The following LAMB1 variants were observed in gnomAD, a reference collection of about 807,000 sequenced individuals.
LAMB1 encodes laminin subunit beta-1.
A neutral mutation model predicts 222.3 loss-of-function variants in LAMB1; 121 were observed. The observed-to-expected ratio is 0.54, with a 90% CI of 0.47 to 0.63. LAMB1 has a LOEUF of 0.63. LAMB1 is among the 30% of genes least tolerant of loss of function. The pLI, the probability that LAMB1 is intolerant of heterozygous loss-of-function variation, is 0.00. For missense variants in LAMB1, 2,172 were observed against 2,240.8 expected, an observed-to-expected ratio of 0.97 and a Z score of 0.62; for synonymous variants, 794 against 807.2, an observed-to-expected ratio of 0.98 and a Z score of 0.28.
intron 4 of LAMB1, among the ~76,000 whole-genome samples, chr7:107,996,246 C>G (rs926760838): frequency 1.8e-4 from 27 of 152,158 alleles, no homozygotes; most frequent in African/African-American, 6.5e-4. Flanking sequence ...AATGTGTGCA[C>G]CAAAAGCACA....
intron 24 of LAMB1, among the ~76,000 whole-genome samples, chr7:107,950,662 T>C (rs1201620342): frequency 6.6e-6 from 1 of 152,206 alleles, no homozygotes; most frequent in Non-Finnish European, 1.5e-5. Flanking sequence ...GAAGTCTCCA[T>C]GACATTGCCC....
intron 13 of LAMB1, among the ~76,000 whole-genome samples, chr7:107,967,444 TTTCA>T (rs145267557): frequency 0.022 from 3,306 of 152,302 alleles, 52 homozygotes; most frequent in South Asian, 0.044. Context: ...ACAGTGCTGC[TTTCA>T]TTGTTTCACG....
chr7:107,939,811 G>A (rs1302775553), intron 25 of LAMB1, among the ~76,000 whole-genome samples, 178 bp downstream of exon 25: 3 of 152,120 alleles, frequency 2.0e-5, no homozygotes, highest in Admixed American at 6.5e-5. Flanking sequence ...ATGTGCCAAC[G>A]TTCACTCACC....
chr7:108,002,481 CTGGGCAA>C, intron 2 of LAMB1: 1 of 1,228,356 alleles, frequency 8.1e-7, no homozygotes, highest in Non-Finnish European at 1.1e-6. Context: ...AGGCACTCTC[CTGGGCAA>C]TGGATTTTTG....
At chr7:107,994,322 C>G (rs1391398769) in intron 5 of LAMB1, among the ~76,000 whole-genome samples, 1 of 152,164 alleles carries the variant, frequency 6.6e-6, no homozygotes, top group Non-Finnish European at 1.5e-5. Flanking sequence ...TTACACATTT[C>G]TTAAGGAACT....
At position 107,926,117 on chromosome 7, in the gene LAMB1, G is replaced by A. The variant is rs1584479933; in HGVS notation, c.5064+66C>T. 8.8e-6 allele frequency: 11 copies of A among 1,255,410 alleles called. No individual in the cohort carries two copies. In the East Asian group the frequency reaches 2.3e-4, roughly 27 times the overall value. The allele number at this position is 1,255,410 out of a possible 1,614,324, so 77.8% of individuals were successfully genotyped here. A position where few individuals can be genotyped will look rare whatever the true frequency, so the allele number is the denominator to read the frequency against. The stretch of plus-strand genomic sequence containing the variant: ...TTAGGTCCATGTCCCTTACTCTAAG[G>A]CAGGCAAGGAGGAGACTGGTGGCTC... On this transcript the variant is annotated intron_variant, in intron 32 of 33. Transcript: ENST00000222399.
intron 30 of LAMB1, 36 bp from the exon 31 acceptor site, chr7:107,929,241 G>A: frequency 1.2e-6 from 2 of 1,608,974 alleles, no homozygotes; most frequent in Non-Finnish European, 8.5e-7. Context: ...TATTGTTGCT[G>A]AACATGAAAA....
intron 5 of LAMB1, among the ~76,000 whole-genome samples, chr7:107,990,027 GT>G (rs1554412851): frequency 5.5e-5 from 3 of 54,796 alleles, no homozygotes; most frequent in South Asian, 6.1e-4. Flanking sequence ...AGTTTTTTGT[GT>G]TTTTTTTTGT....
rs181387347 is a variant in LAMB1 at position 107,946,530 on chromosome 7, A to G, written c.3391+4696T>C. 2.0e-3 allele frequency among the ~76,000 whole-genome samples: 312 copies of G among 152,386 alleles called. 3 individuals carry two copies. Among genetic ancestry groups the G allele is most frequent in the Non-Finnish European group, 3.6e-3 (243 of 68,042 alleles). On this transcript the variant is annotated intron_variant, in intron 24 of 33. Coordinates refer to ENST00000222399, the MANE Select transcript of LAMB1 (RefSeq NM_002291.3). The stretch of plus-strand genomic sequence containing the variant: ...ACAAGTAGCCAGGGAAAATACATGA[A>G]CAAGTGGGTGTAAAACTTATATTAG...
At chr7:107,989,001 C>T (rs1246681130) in intron 5 of LAMB1, among the ~76,000 whole-genome samples, 2 of 152,214 alleles carry the variant, frequency 1.3e-5, no homozygotes, top group East Asian at 3.8e-4. Flanking sequence ...AAAATTGAGG[C>T]TCGGAGACAC....
chr7:108,002,725 G>T, intron 2 of LAMB1, 124 bp downstream of exon 2: 5 of 1,345,884 alleles, frequency 3.7e-6, no homozygotes, highest in South Asian at 2.7e-5. Context: ...TCCCAGGGGC[G>T]TCATTTCCAT....
At chr7:108,002,562 A>T (rs2034412019) in intron 2 of LAMB1, among the ~76,000 whole-genome samples, 1 of 152,196 alleles carries the variant, frequency 6.6e-6, no homozygotes, top group Admixed American at 6.5e-5. Context: ...GGGGAAACCC[A>T]GGGTGAACCG....
At chr7:107,982,115 T>C (rs2033984034) in intron 7 of LAMB1, among the ~76,000 whole-genome samples, 1 of 152,240 alleles carries the variant, frequency 6.6e-6, no homozygotes, top group Non-Finnish European at 1.5e-5. Context: ...TGCAGACTTC[T>C]GCTTATTGTA....
Position 107,932,331 on chromosome 7 carries a change from C to T in LAMB1, c.4235G>A (p.Gly1412Asp), listed in dbSNP as rs1246601479. Residue 1412 changes from glycine (G) to aspartate (D), a missense_variant, in exon 28 of 34, where the codon GGC (glycine) becomes GAC (aspartate). Coordinates refer to ENST00000222399, the MANE Select transcript of LAMB1 (RefSeq NM_002291.3). ...TTCGTCAGTTCTGCAGTTTGGCCCG[C>T]CACATTCAGTCTCGGAACAGGAGGC... Reference protein sequence around the residue: ...PGASCSETECGGPNCRTDEGE... With the variant: ...PGASCSETECDGPNCRTDEGE... 2 of 1,614,224 alleles carry T rather than the reference C, an allele frequency of 1.2e-6. No individual in the cohort carries two copies. The highest frequency in any genetic ancestry group is 3.3e-5 in the Admixed American group (2 of 60,022).
intron 3 of LAMB1, among the ~76,000 whole-genome samples, chr7:108,000,368 G>A (rs933176395): frequency 1.3e-5 from 2 of 152,160 alleles, no homozygotes; most frequent in Non-Finnish European, 1.5e-5. Context: ...CTTTGTAAAA[G>A]TGACTCCATT....
Position 107,975,710 on chromosome 7 carries a change from G to C in LAMB1, c.1168C>G (p.Arg390Gly), listed in dbSNP as rs140459621. The change falls in exon 10 of 34, where the codon CGA becomes GGA. Residue 390 changes from arginine (R) to glycine (G), a missense_variant. Physicochemically the swap from Arg to Gly is moderately radical, Grantham distance 125 (BLOSUM62 -2). Coordinates refer to ENST00000222399, the MANE Select transcript of LAMB1 (RefSeq NM_002291.3). ...ATACGTTCACAGAAATTAGGATCTC[G>C]GATGTCCCTCTCTGGGTGCTGGTAG... ...FYYQHPERDI[R>G]DPNFCERCTC... 1.7e-5 allele frequency: 27 copies of C among 1,612,222 alleles called. No individual in the cohort carries two copies. The Admixed American group carries it at 2.3e-4, about 14-fold the overall frequency.
chr7:107,988,506 G>A (rs955686449), intron 5 of LAMB1, among the ~76,000 whole-genome samples: 6 of 152,182 alleles, frequency 3.9e-5, no homozygotes, highest in African/African-American at 9.7e-5. Context: ...CTAGAAAAAC[G>A]TATCAACCAG....
At chr7:107,963,846 C>G (rs1242293744) in intron 14 of LAMB1, among the ~76,000 whole-genome samples, 2 of 152,240 alleles carry the variant, frequency 1.3e-5, no homozygotes, top group Non-Finnish European at 2.9e-5. Context: ...CGCCTGTAAT[C>G]CCAACACTTT....
chr7:107,993,919 C>T (rs1347589043), intron 5 of LAMB1, among the ~76,000 whole-genome samples: 1 of 152,192 alleles, frequency 6.6e-6, no homozygotes, highest in African/African-American at 2.4e-5. Context: ...CTCAGAGGCA[C>T]AGCCCAGCAT....
Sources: allele counts gnomAD v4.1 joint callset (sites outside exome capture counted in the v4.1 genomes callset), GRCh38; gene constraint gnomAD v4.1.1; transcripts MANE v1.5; gene names NCBI Gene and HGNC (gene_info 2026-07-23, HGNC 2026-07-21).